The following RMST variants were observed in gnomAD, a reference collection of about 807,000 sequenced individuals.
RMST encodes rhabdomyosarcoma 2 associated transcript, also known as long intergenic non-protein coding RNA 54.
intron 10 of RMST, among the ~76,000 whole-genome samples, chr12:97,507,617 G>A (rs760424132): frequency 6.6e-6 from 1 of 152,158 alleles, no homozygotes; most frequent in Non-Finnish European, 1.5e-5. Flanking sequence ...AATTTAATGG[G>A]GCTGGAGAGG....
At chr12:97,562,416 A>C (rs907662618) in intron 13 of RMST, among the ~76,000 whole-genome samples, 8 of 150,746 alleles carry the variant, frequency 5.3e-5, no homozygotes, top group African/African-American at 2.0e-4. Flanking sequence ...GGGCTCTTGA[A>C]CCCCTTCCCT....
intron 10 of RMST, among the ~76,000 whole-genome samples, chr12:97,498,158 G>A (rs1404767419): frequency 6.6e-6 from 1 of 150,792 alleles, no homozygotes; most frequent in East Asian, 1.9e-4. Flanking sequence ...ATTTAGCTTA[G>A]AAATTCACTC....
At chr12:97,510,794 C>G (rs986281665) in intron 10 of RMST, among the ~76,000 whole-genome samples, 1 of 152,128 alleles carries the variant, frequency 6.6e-6, no homozygotes, top group African/African-American at 2.4e-5. Context: ...TTCAATTAAT[C>G]ACCAGTCTAT....
At position 97,535,126 on chromosome 12, in the gene RMST, A is replaced by G. The variant is rs866985737; in HGVS notation, n.1545+4267A>G. ...CTAAAATAAAATTATTTGTTTAATA[A>G]TGGTCAGTGGAATTACTTCTTGTAA... On this transcript the variant is annotated intron_variant and non_coding_transcript_variant, in intron 11 of 13. Transcript: ENST00000640149. Among the ~76,000 whole-genome samples the G allele has an allele frequency of 3.3e-5, 5 of 151,814 alleles. No homozygotes were observed. In the South Asian group the frequency reaches 8.3e-4, roughly 25 times the overall value.
chr12:97,523,549 A>G (rs2136559151), intron 10 of RMST, among the ~76,000 whole-genome samples: 1 of 152,372 alleles, frequency 6.6e-6, no homozygotes, highest in South Asian at 2.1e-4. Context: ...TTATTATACA[A>G]TGTATACATG....
chr12:97,492,421 C>T, intron 5 of RMST: 1 of 156,554 alleles, frequency 6.4e-6, no homozygotes. Context: ...TATTTGTTTG[C>T]TTGTTGTTTT....
intron 8 of RMST, among the ~76,000 whole-genome samples, chr12:97,494,195 C>A (rs1877158480): frequency 6.6e-6 from 1 of 152,106 alleles, no homozygotes; most frequent in Admixed American, 6.6e-5. Context: ...ATCCTAGGAT[C>A]CACATTCTAT....
chr12:97,520,409 T>C (rs1880393352), intron 10 of RMST, among the ~76,000 whole-genome samples: 1 of 152,186 alleles, frequency 6.6e-6, no homozygotes, highest in African/African-American at 2.4e-5. Flanking sequence ...TCTGAATGAA[T>C]TGATGGGGCT....
chr12:97,487,617 C>T lies in RMST; in HGVS notation n.645-4844C>T, dbSNP rs1259933814. Among the ~76,000 whole-genome samples, 6 of 152,222 alleles carry T rather than the reference C, an allele frequency of 3.9e-5. No individual in the cohort carries two copies. In the East Asian group the frequency reaches 7.7e-4, roughly 20 times the overall value. On this transcript the variant is annotated intron_variant and non_coding_transcript_variant, in intron 5 of 13. Transcript: ENST00000640149. Reference sequence around the variant, plus strand: ...CAGCTAATAATGTTTGTTGAAGATACTGGAGATAACGCTGTGACTGACACT... The same window carrying T: ...CAGCTAATAATGTTTGTTGAAGATATTGGAGATAACGCTGTGACTGACACT...
chr12:97,463,017 G>GTCTCTCTA (rs1555228361), intron 3 of RMST: 1 of 129,898 alleles, frequency 7.7e-6, no homozygotes. Flanking sequence ...CAAGTCAGCA[G>GTCTCTCTA]TCTCTCTCTC....
In RMST at chr12:97,475,421, G is replaced by A. The variant is rs75112970; in HGVS notation, n.644+9694G>A. ...GGCTGTAAGAGAAGCAGCAACCTCT[G>A]TGGTAGGAAGAGTACAGCCTTTGGA... On this transcript the variant is annotated intron_variant and non_coding_transcript_variant, in intron 5 of 13. Transcript: ENST00000640149. Among the ~76,000 whole-genome samples, 591 of 152,236 alleles carry A rather than the reference G, an allele frequency of 3.9e-3. 3 individuals carry two copies. The highest frequency in any genetic ancestry group is 0.013 in the African/African-American group (554 of 41,534).
At chr12:97,504,825 GA>G (rs1235180249) in intron 10 of RMST, among the ~76,000 whole-genome samples, 3 of 152,148 alleles carry the variant, frequency 2.0e-5, no homozygotes, top group African/African-American at 7.2e-5. Flanking sequence ...GGAGGATAGG[GA>G]AAATGAGTGA....
At chr12:97,466,460 C>T (rs1444790693) in intron 5 of RMST, among the ~76,000 whole-genome samples, 2 of 151,982 alleles carry the variant, frequency 1.3e-5, no homozygotes, top group East Asian at 1.9e-4. Context: ...AAGTACTCCT[C>T]GGTATGTATC....
intron 10 of RMST, among the ~76,000 whole-genome samples, chr12:97,497,714 T>C (rs1877607368): frequency 6.6e-6 from 1 of 152,012 alleles, no homozygotes; most frequent in South Asian, 2.1e-4. Flanking sequence ...TCTAACTTGT[T>C]AAATGAAAAA....
chr12:97,549,995 C>T (rs1565938091), intron 11 of RMST, among the ~76,000 whole-genome samples: 1 of 152,106 alleles, frequency 6.6e-6, no homozygotes. Flanking sequence ...GCCAAGAGGC[C>T]ACAACATACA....
intron 11 of RMST, among the ~76,000 whole-genome samples, chr12:97,535,954 T>A (rs1170888546): frequency 5.3e-5 from 8 of 151,608 alleles, no homozygotes; most frequent in Non-Finnish European, 1.5e-5. Context: ...ATCATTAGGC[T>A]TTTTAAAAAA....
intron 8 of RMST, among the ~76,000 whole-genome samples, chr12:97,494,337 T>C (rs1877174073): frequency 1.3e-5 from 2 of 152,178 alleles, no homozygotes; most frequent in Non-Finnish European, 2.9e-5. Flanking sequence ...TCTTGCTTTG[T>C]CTGGGGATAG....
At chr12:97,482,678 AATTT>A (rs1875494565) in intron 5 of RMST, among the ~76,000 whole-genome samples, 1 of 122,052 alleles carries the variant, frequency 8.2e-6, no homozygotes, top group African/African-American at 3.1e-5. Context: ...TTTAATATTT[AATTT>A]ATTTATTATT....
chr12:97,517,816 C>G (rs1880093017), intron 10 of RMST, among the ~76,000 whole-genome samples: 1 of 151,950 alleles, frequency 6.6e-6, no homozygotes, highest in Admixed American at 6.6e-5. Flanking sequence ...AGTTACTTTT[C>G]TAAGCTAGAC....
Sources: allele counts gnomAD v4.1 joint callset (sites outside exome capture counted in the v4.1 genomes callset), GRCh38; gene constraint gnomAD v4.1.1; transcripts MANE v1.5; gene names NCBI Gene and HGNC (gene_info 2026-07-23, HGNC 2026-07-21).